The following MFRP variants were observed in gnomAD, a reference collection of about 807,000 sequenced individuals.
The protein encoded by MFRP is C1q and TNF related 5.
MFRP carries 74 observed loss-of-function variants against 65.8 expected under a neutral mutation model. That is an observed-to-expected ratio of 1.12 (90% CI 0.93 to 1.36). The LOEUF (loss-of-function observed/expected upper bound fraction) is 1.36. Ranked by LOEUF, MFRP falls within the 40% of genes most tolerant of loss-of-function variation. The probability of loss-of-function intolerance (pLI) is 0.00; values close to 1 mark genes in which losing one functional copy is unlikely to be tolerated. For synonymous variants in MFRP, 336 were observed against 288.3 expected (o/e 1.17, Z -1.68); for missense variants, 838 against 736.0 (o/e 1.14, Z -1.60).
Position 119,340,362 on chromosome 11 carries a change from C to G in MFRP, c.*932G>C, listed in dbSNP as rs534690569. The G allele has an allele frequency of 1.9e-6, 3 of 1,544,050 alleles. No homozygotes were observed. In the African/African-American group the frequency reaches 4.1e-5, roughly 21 times the overall value. The stretch of plus-strand genomic sequence containing the variant: ...CGTCCAGTGGGGGCGAGCCGGCCGC[C>G]AGGCCCAGGAGCAGCAGGACGAGGA... On this transcript the variant is annotated 3_prime_UTR_variant, in exon 14 of 15. Transcript: ENST00000619721.
In MFRP at chr11:119,344,775, G is replaced by T. The variant is rs373494153; in HGVS notation, c.773-18C>A. 1.2e-5 allele frequency: 20 copies of T among 1,613,910 alleles called. No homozygotes were observed. Among genetic ancestry groups the T allele is most frequent in the Non-Finnish European group, 1.7e-5 (20 of 1,180,036 alleles). The stretch of plus-strand genomic sequence containing the variant: ...ACAGCTCCCTGGATGTGGGCACCAG[G>T]AGTCAGGGAGGCCCGGAGTCTCCAC... On this transcript the variant is annotated intron_variant, in intron 6 of 14. Coordinates refer to ENST00000619721, the MANE Select transcript of MFRP (RefSeq NM_031433.4).
chr11:119,343,802 C>T lies in MFRP; in HGVS notation c.1124+14G>A. The T allele has an allele frequency of 1.2e-6, 2 of 1,613,772 alleles. No homozygotes were observed. Among genetic ancestry groups the T allele is most frequent in the Non-Finnish European group, 1.7e-6 (2 of 1,179,984 alleles). Reference sequence around the variant, plus strand: ...AGGATGGAGTTATCCATGGCTCTTCCCTGGCTCCTGTACCTGCCCAGGAGG... The same window carrying T: ...AGGATGGAGTTATCCATGGCTCTTCTCTGGCTCCTGTACCTGCCCAGGAGG... On this transcript the variant is annotated intron_variant, in intron 9 of 14. Transcript: ENST00000619721.
rs1158086239 is a variant in MFRP at position 119,340,712 on chromosome 11, C to T, written c.*836G>A. On this transcript the variant is annotated 3_prime_UTR_variant, in exon 13 of 15. Transcript: ENST00000619721. ...AGACTCACCCCCCCTCCCGGCTCCC[C>T]GATGGCCTCCTTCGGGGCGCTCGCT... is the stretch of plus-strand genomic sequence containing the variant. 7.4e-6 allele frequency: 3 copies of T among 407,360 alleles called. No individual in the cohort carries two copies. The highest frequency in any genetic ancestry group is 5.5e-5 in the South Asian group (2 of 36,468). 25.2% of individuals were successfully genotyped at this position (407,360 alleles called of 1,614,324 possible). A position where few individuals can be genotyped will look rare whatever the true frequency, so the allele number is the denominator to read the frequency against.
rs1459951887 is a variant in MFRP at position 119,345,911 on chromosome 11, G to C, written c.289C>G (p.Pro97Ala). ...IILAQLQAAPPSGASHSPLPA... is the reference protein window; with the variant it reads ...IILAQLQAAPASGASHSPLPA... The stretch of plus-strand genomic sequence containing the variant: ...AGTGGGCTATGGGACGCCCCAGATG[G>C]GGGTGCAGCCTGCAGCTCTGGAGGC... The change falls in exon 4 of 15, where the codon CCA becomes GCA. Residue 97 changes from proline (P) to alanine (A), a missense_variant. Transcript: ENST00000619721. 11 of 1,613,726 alleles carry C rather than the reference G, an allele frequency of 6.8e-6. No individual in the cohort carries two copies. Among genetic ancestry groups the C allele is most frequent in the Non-Finnish European group, 8.5e-6 (10 of 1,179,846 alleles).
In MFRP at chr11:119,346,269, T is replaced by C; in HGVS notation, c.157+3A>G. ...CCCCCAGGTCACCCCCTGGGATGGTTACCATGCCAGGGAGCTGGGACGCTG... is the reference window on the plus strand; with the variant it reads ...CCCCCAGGTCACCCCCTGGGATGGTCACCATGCCAGGGAGCTGGGACGCTG... On this transcript the variant is annotated splice_donor_region_variant and intron_variant, in intron 2 of 14. Transcript: ENST00000619721. The C allele has an allele frequency of 6.2e-7, 1 of 1,609,800 alleles. No individual in the cohort carries two copies. Among genetic ancestry groups the C allele is most frequent in the Non-Finnish European group, 8.5e-7 (1 of 1,177,364 alleles).
At position 119,346,515 on chromosome 11, in the gene MFRP, G is replaced by A. The variant is rs1950572606; in HGVS notation, c.-2C>T. 3 of 1,613,868 alleles carry A rather than the reference G, an allele frequency of 1.9e-6. No individual in the cohort carries two copies. Among genetic ancestry groups the A allele is most frequent in the South Asian group, 2.2e-5 (2 of 91,080 alleles). On this transcript the variant is annotated 5_prime_UTR_variant, in exon 1 of 15. Coordinates refer to ENST00000619721, the MANE Select transcript of MFRP (RefSeq NM_031433.4). ...GATGACATCTGAGAAGTCCTTCATG[G>A]CACAAGGCTCTGCATGGCTTTCTGG...
chr11:119,343,904 A>T lies in MFRP; in HGVS notation c.1036T>A (p.Phe346Ile). The T allele has an allele frequency of 6.2e-7, 1 of 1,613,450 alleles. No homozygotes were observed. The highest frequency in any genetic ancestry group is 8.5e-7 in the Non-Finnish European group (1 of 1,179,908). ...GHSIELQFHN[F>I]SLEAQDECKF... is the part of the protein sequence containing the mutation. Reference sequence around the variant, plus strand: ...CACTCGTCCTGAGCCTCCAGGCTGAAGTTGTGGAACTGTAGTTCTATGCTG... The same window carrying T: ...CACTCGTCCTGAGCCTCCAGGCTGATGTTGTGGAACTGTAGTTCTATGCTG... Residue 346 changes from phenylalanine to isoleucine, a missense_variant, in exon 9 of 15, where the codon TTC becomes ATC. Phe to Ile is a conservative substitution (Grantham distance 21). Transcript: ENST00000619721.
chr11:119,345,023 G>A lies in MFRP; in HGVS notation c.642-19C>T, dbSNP rs996211821. 3 of 1,597,714 alleles carry A rather than the reference G, an allele frequency of 1.9e-6. No homozygotes were observed. Among genetic ancestry groups the A allele is most frequent in the East Asian group, 4.5e-5 (2 of 44,404 alleles). On this transcript the variant is annotated intron_variant, in intron 5 of 14. Coordinates refer to ENST00000619721, the MANE Select transcript of MFRP (RefSeq NM_031433.4). ...ACAAACCCTGCAAGAAGCCAGGTTG[G>A]GGGTGAGGGAGGCTCCAAGAGCAGG...
Position 119,342,649 on chromosome 11 carries a change from T to A in MFRP, c.1334A>T (p.Asp445Val). ...GTTGTCATCGCTGCCATCGGTGCAG[T>A]CTCTCCACATGTCACACATCCACTG... ...GVQWMCDMWRDCTDGSDDNCS... is the reference protein window; with the variant it reads ...GVQWMCDMWRVCTDGSDDNCS... The change falls in exon 11 of 15, where the codon GAC (aspartate) becomes GTC (valine). Residue 445 changes from aspartate to valine, a missense_variant. Physicochemically the swap from Asp to Val is radical, Grantham distance 152. Transcript: ENST00000619721. 6.2e-7 allele frequency: 1 copy of A among 1,613,546 alleles called. No homozygotes were observed. Among genetic ancestry groups the A allele is most frequent in the South Asian group, 1.1e-5 (1 of 91,078 alleles).
At position 119,345,040 on chromosome 11, in the gene MFRP, A is replaced by G. The variant is rs769739792; in HGVS notation, c.642-36T>C. On this transcript the variant is annotated intron_variant, in intron 5 of 14. Coordinates refer to ENST00000619721, the MANE Select transcript of MFRP (RefSeq NM_031433.4). The stretch of plus-strand genomic sequence containing the variant: ...CCAGGTTGGGGGTGAGGGAGGCTCC[A>G]AGAGCAGGGTCAGCCAGAGAGGAGC... 41 of 1,589,912 alleles carry G rather than the reference A, an allele frequency of 2.6e-5. No individual in the cohort carries two copies. The East Asian group carries it at 9.0e-4, about 35-fold the overall frequency.
chr11:119,346,505 G>A lies in MFRP; in HGVS notation c.9C>T (p.Asp3=). Residue 3 remains aspartate (D), a synonymous_variant, in exon 1 of 15, where the codon GAC becomes GAT. Coordinates refer to ENST00000619721, the MANE Select transcript of MFRP (RefSeq NM_031433.4). Reference sequence around the variant, plus strand: ...CCATGCAGAGGATGACATCTGAGAAGTCCTTCATGGCACAAGGCTCTGCAT... The same window carrying A: ...CCATGCAGAGGATGACATCTGAGAAATCCTTCATGGCACAAGGCTCTGCAT... MK[D]FSDVILCMEA... 6.2e-7 allele frequency: 1 copy of A among 1,614,084 alleles called. No individual in the cohort carries two copies. The highest frequency in any genetic ancestry group is 1.7e-4 in the Middle Eastern group (1 of 6,044).
intron 7 of MFRP, 48 bp downstream of exon 7, chr11:119,344,584 A>C (rs2135371876): frequency 6.2e-7 from 1 of 1,613,452 alleles, no homozygotes. Context: ...GCCCAGCTTG[A>C]ACCCAGATCA....
Position 119,341,751 on chromosome 11 carries a change from A to G in MFRP, c.1537T>C (p.Tyr513His), listed in dbSNP as rs764469458. 1 of 1,613,424 alleles carries G rather than the reference A, an allele frequency of 6.2e-7. No individual in the cohort carries two copies. The highest frequency in any genetic ancestry group is 8.5e-7 in the Non-Finnish European group (1 of 1,180,012). The change falls in exon 13 of 15, where the codon TAC (tyrosine) becomes CAC (histidine). Residue 513 changes from tyrosine to histidine, a missense_variant. Tyr to His is a moderately conservative substitution (Grantham distance 83, BLOSUM62 2). Coordinates refer to ENST00000619721, the MANE Select transcript of MFRP (RefSeq NM_031433.4). ...CACAGGAGCCTCCGGAAATGCTGGT[A>G]GCAGGGCAGGCTTGTCAGGCTCTGC... ...GYKSLTSLPC[Y>H]QHFRRLLCGL... is the part of the protein sequence containing the mutation.
At position 119,341,784 on chromosome 11, in the gene MFRP, G is replaced by C; in HGVS notation, c.1516-12C>G. 1.2e-6 allele frequency: 2 copies of C among 1,613,238 alleles called. No individual in the cohort carries two copies. Among genetic ancestry groups the C allele is most frequent in the Non-Finnish European group, 1.7e-6 (2 of 1,179,976 alleles). ...AGGCTTGTCAGGCTCTGCGGAGGGA[G>C]AGTGGCCTTCAGGCACCTGCTCCCA... is the stretch of plus-strand genomic sequence containing the variant. On this transcript the variant is annotated splice_polypyrimidine_tract_variant and intron_variant, in intron 12 of 14. Coordinates refer to ENST00000619721, the MANE Select transcript of MFRP (RefSeq NM_031433.4).
rs763730179 is a variant in MFRP at position 119,342,703 on chromosome 11, G to A, written c.1280C>T (p.Ser427Phe). 3 of 1,613,668 alleles carry A rather than the reference G, an allele frequency of 1.9e-6. No individual in the cohort carries two copies. Among genetic ancestry groups the A allele is most frequent in the Non-Finnish European group, 2.5e-6 (3 of 1,179,952 alleles). Residue 427 changes from serine to phenylalanine, a missense_variant, in exon 11 of 15, where the codon TCC (serine) becomes TTC (phenylalanine). Ser to Phe is a radical substitution (Grantham distance 155, BLOSUM62 -2). Transcript: ENST00000619721. ...ACCCTTACACCCTCCTGCCTGGCAGGAGAGCTCACTGGGCCCACAGGGGTC... is the reference window on the plus strand; with the variant it reads ...ACCCTTACACCCTCCTGCCTGGCAGAAGAGCTCACTGGGCCCACAGGGGTC... Reference protein sequence around the residue: ...TENPCGPSELSCQAGGCKGVQ... With the variant: ...TENPCGPSELFCQAGGCKGVQ...
At position 119,341,466 on chromosome 11, in the gene MFRP, G is replaced by A. The variant is rs1950501568; in HGVS notation, c.*82C>T. On this transcript the variant is annotated 3_prime_UTR_variant, in exon 13 of 15. Transcript: ENST00000619721. ...AAGGATGGGTAGAGACCCTGCTGAT[G>A]CTCCTTCCTTTGTTCCCCTGCGTGC... is the stretch of plus-strand genomic sequence containing the variant. 1.7e-6 allele frequency: 2 copies of A among 1,211,174 alleles called. No individual in the cohort carries two copies. Among genetic ancestry groups the A allele is most frequent in the Non-Finnish European group, 2.4e-6 (2 of 839,194 alleles). The allele number at this position is 1,211,174 out of a possible 1,614,324, so 75.0% of individuals were successfully genotyped here.
rs1591299580 is a variant in MFRP at position 119,339,756 on chromosome 11, G to A, written c.*1203C>T. Reference sequence around the variant, plus strand: ...GAGCGCTTGGCGCTGAAGGCGGATCGCGGAGGCACCGAGCACTCCCCGGCA... The same window carrying A: ...GAGCGCTTGGCGCTGAAGGCGGATCACGGAGGCACCGAGCACTCCCCGGCA... On this transcript the variant is annotated 3_prime_UTR_variant, in exon 15 of 15. Coordinates refer to ENST00000619721, the MANE Select transcript of MFRP (RefSeq NM_031433.4). This position sits in a 1 kb window ranked among gnomAD's most constrained non-coding sequence, Gnocchi z 5.4. 5 of 1,590,462 alleles carry A rather than the reference G, an allele frequency of 3.1e-6. No homozygotes were observed. The highest frequency in any genetic ancestry group is 1.3e-5 in the African/African-American group (1 of 74,858).
intron 8 of MFRP, 123 bp from the exon 9 acceptor site, chr11:119,344,087 G>C: frequency 7.5e-7 from 1 of 1,329,404 alleles, no homozygotes; most frequent in Admixed American, 1.9e-5. Flanking sequence ...ATCATTGGTG[G>C]TTCTTAAGGA....
rs766474207 is a variant in MFRP, at chr11:119,345,648, G to A, written c.428-15C>T. Reference sequence around the variant, plus strand: ...GCCTCCACAGGCTGCAGAGATGGAGGTTAGAGTTCAGAGGTCAAAAGGAGT... The same window carrying A: ...GCCTCCACAGGCTGCAGAGATGGAGATTAGAGTTCAGAGGTCAAAAGGAGT... On this transcript the variant is annotated splice_polypyrimidine_tract_variant and intron_variant, in intron 4 of 14. Coordinates refer to ENST00000619721, the MANE Select transcript of MFRP (RefSeq NM_031433.4). The A allele has an allele frequency of 3.1e-6, 5 of 1,613,366 alleles. No individual in the cohort carries two copies. The highest frequency in any genetic ancestry group is 1.6e-4 in the Middle Eastern group (1 of 6,062).
Sources: gnomAD v4.1 joint callset for allele counts on GRCh38, gnomAD v4.1.1 for gene constraint, Gnocchi (gnomAD v3.1) non-coding constraint, MANE v1.5 for transcripts, NCBI Gene and HGNC (gene_info 2026-07-23, HGNC 2026-07-21) for gene names.